Variants in KAZN observed in about 807,000 individuals in gnomAD.
KAZN encodes kazrin.
Under a neutral mutation model 87.4 loss-of-function variants are expected in KAZN, and 40 were observed. The observed-to-expected ratio is 0.46, with a 90% confidence interval of 0.36 to 0.60. KAZN has a LOEUF of 0.60. Ranked by LOEUF, KAZN falls within the 20% of genes least tolerant of loss-of-function variation. The pLI, the probability that KAZN is intolerant of heterozygous loss-of-function variation, is 0.00. For missense variants in KAZN, 898 were observed against 1,073.9 expected, an observed-to-expected ratio of 0.84 and a Z score of 2.29; for synonymous variants, 466 against 458.3, an observed-to-expected ratio of 1.02 and a Z score of -0.22.
At chr1:14,542,324 T>C (rs1224588116) in intron 2 of KAZN, among the ~76,000 whole-genome samples, 4 of 148,930 alleles carry the variant, frequency 2.7e-5, no homozygotes, top group Admixed American at 2.0e-4. Context: ...GGGATAGCAT[T>C]AGGAGATATA....
intron 1 of KAZN, among the ~76,000 whole-genome samples, chr1:14,841,671 G>T (rs1648036219): frequency 6.6e-6 from 1 of 152,210 alleles, no homozygotes; most frequent in Non-Finnish European, 1.5e-5. Context: ...GCAGCAGTGG[G>T]AGGATCACAA....
At chr1:13,903,457 G>A (rs927079064) in intron 1 of KAZN, among the ~76,000 whole-genome samples, 3 of 152,184 alleles carry the variant, frequency 2.0e-5, no homozygotes, top group Non-Finnish European at 4.4e-5. Context: ...GTGCCAGTGT[G>A]GCTAGGAGGG....
intron 1 of KAZN, among the ~76,000 whole-genome samples, chr1:14,048,093 C>T (rs1225310514): frequency 6.6e-6 from 1 of 152,098 alleles, no homozygotes; most frequent in African/African-American, 2.4e-5. Context: ...AATTACTTAA[C>T]CTCTCTCTGC....
chr1:14,367,220 C>A (rs113214022), intron 2 of KAZN, among the ~76,000 whole-genome samples: 1,615 of 152,278 alleles, frequency 0.011, 15 homozygotes, highest in Middle Eastern at 0.017. Context: ...CAGAGCAAGA[C>A]TCTTGTCTCC....
intron 1 of KAZN, among the ~76,000 whole-genome samples, chr1:14,778,408 A>AAAC (rs1553129655): frequency 2.0e-5 from 3 of 149,252 alleles, no homozygotes; most frequent in Non-Finnish European, 1.5e-5. Context: ...AAAAAAAAAA[A>AAAC]AAAAACCCAC....
chr1:14,440,618 A>G (rs1282830264), intron 2 of KAZN, among the ~76,000 whole-genome samples: 1 of 152,212 alleles, frequency 6.6e-6, no homozygotes, highest in Non-Finnish European at 1.5e-5. Context: ...AACTGGCTAC[A>G]TAATTTGCAG....
chr1:14,626,778 A>G (rs12065807), intron 1 of KAZN, among the ~76,000 whole-genome samples: 12,976 of 151,550 alleles, frequency 0.086, 1,852 homozygotes, highest in African/African-American at 0.3. Flanking sequence ...CGTGCAGCCT[A>G]CTCTCCAGCC....
chr1:14,067,757 T>C (rs2101543267), intron 1 of KAZN, among the ~76,000 whole-genome samples: 1 of 152,164 alleles, frequency 6.6e-6, no homozygotes, highest in East Asian at 1.9e-4. Flanking sequence ...GTTAAAAACC[T>C]TGAAAGTTCT....
intron 1 of KAZN, among the ~76,000 whole-genome samples, chr1:14,928,899 G>A: frequency 6.6e-6 from 1 of 152,090 alleles, no homozygotes; most frequent in Non-Finnish European, 1.5e-5. Flanking sequence ...TTGTGGTCCA[G>A]TGTGATGGAC....
chr1:14,241,601 C>T (rs1222862897), intron 2 of KAZN, among the ~76,000 whole-genome samples: 2 of 152,212 alleles, frequency 1.3e-5, no homozygotes, highest in African/African-American at 4.8e-5. Context: ...AGCCACGGTG[C>T]TGTTCCCTAC....
intron 2 of KAZN, among the ~76,000 whole-genome samples, chr1:14,432,011 C>G (rs1205285269): frequency 6.6e-6 from 1 of 152,130 alleles, no homozygotes; most frequent in Non-Finnish European, 1.5e-5. Context: ...AGAACCCTGA[C>G]TAATATAGGA....
chr1:14,032,268 T>C (rs1218130529), intron 1 of KAZN, among the ~76,000 whole-genome samples: 1 of 152,222 alleles, frequency 6.6e-6, no homozygotes, highest in Admixed American at 6.5e-5. Flanking sequence ...TTAACAAACT[T>C]AACTTTGACA....
chr1:14,949,117 C>T lies in KAZN; in HGVS notation c.227-11567C>T, dbSNP rs574648980. ...GCAGTGAGCCAAGATCATGCCACTG[C>T]ACTCCAGCCTGGGCAACAGAGTGAG... On this transcript the variant is annotated intron_variant, in intron 1 of 14. Transcript: ENST00000376030. The surrounding 1 kb of genome is among the most constrained non-coding windows in gnomAD (Gnocchi z 4.3). Among the ~76,000 whole-genome samples, 9 of 151,144 alleles carry T rather than the reference C, an allele frequency of 6.0e-5. 1 individual carries two copies. In the South Asian group the frequency reaches 1.9e-3, roughly 32 times the overall value.
At chr1:14,075,371 A>C (rs1234547387) in intron 1 of KAZN, among the ~76,000 whole-genome samples, 1 of 152,240 alleles carries the variant, frequency 6.6e-6, no homozygotes, top group East Asian at 1.9e-4. Flanking sequence ...CCCATGATTT[A>C]TTTCTCCTGT....
At chr1:14,447,789 CACA>C (rs139254233) in intron 2 of KAZN, among the ~76,000 whole-genome samples, 3,589 of 152,186 alleles carry the variant, frequency 0.024, 53 homozygotes, top group Middle Eastern at 0.065. Context: ...CTTCAAATCT[CACA>C]ACAACATCAA....
intron 1 of KAZN, among the ~76,000 whole-genome samples, chr1:13,899,718 A>G (rs1302374456): frequency 1.4e-5 from 2 of 147,692 alleles, no homozygotes; most frequent in Non-Finnish European, 3.0e-5. Context: ...ATCTCAGCTC[A>G]CTGCAACCTC....
rs765773337 is a variant in KAZN, at chr1:14,599,048, G to A, written c.51G>A (p.Gln17=). The A allele has an allele frequency of 8.3e-6, 13 of 1,567,138 alleles. No homozygotes were observed. Among genetic ancestry groups the A allele is most frequent in the Admixed American group, 3.8e-5 (2 of 52,442 alleles). ...CGCTCCGCATCGATGGGGCGGTCCAGTCGGCCAGCCAGGAGGTGACCAACC... is the reference window on the plus strand; with the variant it reads ...CGCTCCGCATCGATGGGGCGGTCCAATCGGCCAGCCAGGAGGTGACCAACC... ...QLALRIDGAV[Q]SASQEVTNLR... is the part of the protein sequence containing the mutation. The change falls in exon 1 of 15, where the codon CAG becomes CAA. Residue 17 remains glutamine, a synonymous_variant. Transcript: ENST00000376030. The surrounding 1 kb of genome is among the most constrained non-coding windows in gnomAD (Gnocchi z 4.4).
intron 1 of KAZN, among the ~76,000 whole-genome samples, chr1:14,013,773 C>T (rs969973075): frequency 6.6e-6 from 1 of 152,138 alleles, no homozygotes; most frequent in African/African-American, 2.4e-5. Context: ...CCGGGGATGG[C>T]TGCTAGATGT....
chr1:14,518,451 A>G (rs1671411344), intron 2 of KAZN, among the ~76,000 whole-genome samples: 1 of 152,178 alleles, frequency 6.6e-6, no homozygotes, highest in Non-Finnish European at 1.5e-5. Context: ...TGTTGGGATT[A>G]TAGACATGAG....
Sources: gnomAD v4.1 joint callset for allele counts (sites outside exome capture counted in the v4.1 genomes callset) on GRCh38, gnomAD v4.1.1 for gene constraint, Gnocchi (gnomAD v3.1) non-coding constraint, MANE v1.5 for transcripts, NCBI Gene and HGNC (gene_info 2026-07-23, HGNC 2026-07-21) for gene names.